The following PLCL1 variants were observed in gnomAD, a reference collection of about 807,000 sequenced individuals.
The protein encoded by PLCL1 is phospholipase C like 1 (inactive), also known as inactive phospholipase C-like protein 1.
Under a neutral mutation model 84.4 loss-of-function variants are expected in PLCL1, and 41 were observed. The observed-to-expected ratio is 0.49, with a 90% CI of 0.38 to 0.63. PLCL1 has a LOEUF of 0.63. PLCL1 is among the 30% of genes least tolerant of loss of function. The probability of loss-of-function intolerance (pLI) is 0.00; values close to 1 mark genes in which losing one functional copy is unlikely to be tolerated. For missense variants in PLCL1, 1,206 were observed against 1,367.8 expected, an observed-to-expected ratio of 0.88 and a Z score of 1.87; for synonymous variants, 490 against 488.3, an observed-to-expected ratio of 1.00 and a Z score of -0.05.
intron 1 of PLCL1, among the ~76,000 whole-genome samples, chr2:198,011,978 A>C (rs1690878545): frequency 6.6e-6 from 1 of 151,878 alleles, no homozygotes; most frequent in Non-Finnish European, 1.5e-5. Flanking sequence ...TAACCCTTTT[A>C]CTGTAGCCTA....
chr2:198,014,281 G>T (rs1029397304), intron 1 of PLCL1, among the ~76,000 whole-genome samples: 1 of 152,042 alleles, frequency 6.6e-6, no homozygotes, highest in Admixed American at 6.6e-5. Context: ...AATTCTTAGG[G>T]TGTAACAATA....
At chr2:198,078,946 C>A (rs1162258255) in intron 1 of PLCL1, among the ~76,000 whole-genome samples, 4 of 151,852 alleles carry the variant, frequency 2.6e-5, no homozygotes, top group African/African-American at 9.7e-5. Flanking sequence ...AAGTACATAA[C>A]CATTTCTAAG....
intron 1 of PLCL1, among the ~76,000 whole-genome samples, chr2:197,991,722 C>T (rs559630028): frequency 3.0e-4 from 46 of 152,262 alleles, no homozygotes; most frequent in African/African-American, 7.0e-4. Context: ...CTGCTGCAGA[C>T]GAGCCCTCAT....
intron 5 of PLCL1, among the ~76,000 whole-genome samples, chr2:198,141,477 CA>C (rs60334474): frequency 0.021 from 1,699 of 79,138 alleles, 11 homozygotes; most frequent in Middle Eastern, 0.069. Context: ...AGTGTAACAT[CA>C]AAAAAAAAAA....
chr2:198,107,029 C>G (rs998600249), intron 5 of PLCL1, among the ~76,000 whole-genome samples: 1 of 151,786 alleles, frequency 6.6e-6, no homozygotes, highest in Admixed American at 6.6e-5. Flanking sequence ...AAGACGTACC[C>G]GAGAGTGGGT....
chr2:197,835,701 T>C (rs1388218701), intron 1 of PLCL1, among the ~76,000 whole-genome samples: 1 of 152,206 alleles, frequency 6.6e-6, no homozygotes, highest in Non-Finnish European at 1.5e-5. Flanking sequence ...GACTAGCAAT[T>C]TACTGTGATG....
At chr2:198,091,424 A>G (rs538265913) in intron 3 of PLCL1, among the ~76,000 whole-genome samples, 5 of 152,268 alleles carry the variant, frequency 3.3e-5, no homozygotes, top group African/African-American at 1.2e-4. Flanking sequence ...TTACACTTGC[A>G]ATCCCAGGAC....
At chr2:197,810,632 T>C (rs1690565424) in intron 1 of PLCL1, among the ~76,000 whole-genome samples, 1 of 152,204 alleles carries the variant, frequency 6.6e-6, no homozygotes, top group Non-Finnish European at 1.5e-5. Flanking sequence ...TATGAAAAGA[T>C]ATCAGGAGAC....
At chr2:197,829,513 CTTATT>C (rs1406896978) in intron 1 of PLCL1, among the ~76,000 whole-genome samples, 1 of 152,012 alleles carries the variant, frequency 6.6e-6, no homozygotes, top group Admixed American at 6.6e-5. Flanking sequence ...AAGAAATTAA[CTTATT>C]TAATAAATTA....
At chr2:197,836,304 G>A (rs1691185687) in intron 1 of PLCL1, among the ~76,000 whole-genome samples, 2 of 151,860 alleles carry the variant, frequency 1.3e-5, no homozygotes, top group African/African-American at 2.4e-5. Flanking sequence ...AAAATTAGCC[G>A]GGCGTAGTGG....
chr2:197,848,578 A>G (rs1467052129), intron 1 of PLCL1, among the ~76,000 whole-genome samples: 1 of 152,310 alleles, frequency 6.6e-6, no homozygotes, highest in Non-Finnish European at 1.5e-5. Context: ...CTGCTGTGGG[A>G]AAACATTGTG....
chr2:197,905,246 A>T lies in PLCL1; in HGVS notation c.240+99907A>T, dbSNP rs1688354561. On this transcript the variant is annotated intron_variant, in intron 1 of 5. Coordinates refer to ENST00000428675, the MANE Select transcript of PLCL1 (RefSeq NM_006226.4). Reference sequence around the variant, plus strand: ...TTTCTCCTAATGCTATCCCTCCCCTAGCACCCTATCCCCCAATAGGCCCCA... The same window carrying T: ...TTTCTCCTAATGCTATCCCTCCCCTTGCACCCTATCCCCCAATAGGCCCCA... Among the ~76,000 whole-genome samples, 12 of 152,064 alleles carry T rather than the reference A, an allele frequency of 7.9e-5. No individual in the cohort carries two copies. The South Asian group carries it at 2.3e-3, about 29-fold the overall frequency.
intron 5 of PLCL1, among the ~76,000 whole-genome samples, chr2:198,127,298 A>G (rs1694011311): frequency 6.6e-6 from 1 of 152,158 alleles, no homozygotes; most frequent in Non-Finnish European, 1.5e-5. Context: ...TTATAATACC[A>G]ACAGATTATT....
At chr2:198,110,542 T>C (rs1264446857) in intron 5 of PLCL1, among the ~76,000 whole-genome samples, 3 of 151,878 alleles carry the variant, frequency 2.0e-5, no homozygotes, top group African/African-American at 7.2e-5. Flanking sequence ...CTGTTCATTG[T>C]TGAGAGACAA....
At chr2:197,903,017 C>T (rs1244813131) in intron 1 of PLCL1, among the ~76,000 whole-genome samples, 3 of 152,064 alleles carry the variant, frequency 2.0e-5, no homozygotes, top group African/African-American at 4.8e-5. Context: ...CTAAACAAAA[C>T]ATTTATGGAA....
intron 5 of PLCL1, among the ~76,000 whole-genome samples, chr2:198,134,929 A>T (rs1047252947): frequency 2.0e-5 from 3 of 152,224 alleles, no homozygotes; most frequent in African/African-American, 7.2e-5. Flanking sequence ...TTGCAGAATT[A>T]CTTTTTGGAC....
intron 1 of PLCL1, among the ~76,000 whole-genome samples, chr2:197,827,053 GC>G (rs1158127724): frequency 1.3e-5 from 2 of 152,138 alleles, no homozygotes. Context: ...CAGGCCACTA[GC>G]TTGGCCTGTA....
intron 1 of PLCL1, among the ~76,000 whole-genome samples, chr2:197,815,723 T>C (rs951222534): frequency 3.3e-5 from 5 of 152,196 alleles, no homozygotes; most frequent in Middle Eastern, 3.4e-3. Context: ...AAGAAGTTGA[T>C]TCCAACCTCA....
intron 5 of PLCL1, among the ~76,000 whole-genome samples, chr2:198,125,374 A>G (rs1200008332): frequency 6.6e-6 from 1 of 152,080 alleles, no homozygotes; most frequent in Non-Finnish European, 1.5e-5. Flanking sequence ...GGGGATTTTT[A>G]TATTTTTTCC....
Sources: gnomAD v4.1 joint callset for allele counts (sites outside exome capture counted in the v4.1 genomes callset) on GRCh38, gnomAD v4.1.1 for gene constraint, MANE v1.5 for transcripts, NCBI Gene and HGNC (gene_info 2026-07-23, HGNC 2026-07-21) for gene names.